Variants in MTCH2 observed in about 807,000 individuals in gnomAD.
MTCH2 encodes mitochondrial carrier homolog 2.
In MTCH2, 25 loss-of-function variants were observed where a neutral mutation model predicts 50.6. The ratio of observed to expected loss-of-function variants is 0.49; its 90% CI spans 0.36 to 0.69. The LOEUF (loss-of-function observed/expected upper bound fraction) is 0.69. Among genes scored for constraint, MTCH2 ranks in the 30% least tolerant of loss-of-function variants. The probability of loss-of-function intolerance (pLI) is 0.00; values close to 1 mark genes in which losing one functional copy is unlikely to be tolerated. For missense variants in MTCH2, 273 were observed against 384.4 expected (o/e 0.71, Z 2.42); for synonymous variants, 106 against 132.0 (o/e 0.80, Z 1.35).
rs181699555 is a variant in MTCH2 at position 47,637,281 on chromosome 11, C to T, written c.279+1418G>A. 7.1e-4 allele frequency among the ~76,000 whole-genome samples: 108 copies of T among 152,252 alleles called. 1 individual carries two copies. The highest frequency in any genetic ancestry group is 4.5e-3 in the Admixed American group (68 of 15,270). On this transcript the variant is annotated intron_variant, in intron 3 of 12. Transcript: ENST00000302503. ...CTGGGATTACAGGCATGAGCCACTGCGCCTGGCCAAGAACTTTCAGTTTTA... is the reference window on the plus strand; with the variant it reads ...CTGGGATTACAGGCATGAGCCACTGTGCCTGGCCAAGAACTTTCAGTTTTA...
rs187899372 is a variant in MTCH2 at position 47,617,533 on chromosome 11, G to A, written c.*1300C>T. On this transcript the variant is annotated 3_prime_UTR_variant, in exon 13 of 13. Transcript: ENST00000302503. ...GGAGGGAAGAGACCCCTGCATTCTC[G>A]TTCTGTCTAATATTATCAGTGGGGC... The A allele has an allele frequency of 1.3e-3, 198 of 152,662 alleles. 1 individual carries two copies. The highest frequency in any genetic ancestry group is 1.5e-3 in the Non-Finnish European group (103 of 68,018). The allele number at this position is 152,662 out of a possible 1,614,324, so 9.5% of individuals were successfully genotyped here. A position where few individuals can be genotyped will look rare whatever the true frequency, so the allele number is the denominator to read the frequency against.
rs996093895 is a variant in MTCH2 at position 47,617,396 on chromosome 11, G to A, written c.*1437C>T. ...CAAACATTTTTATATTAAAACAAAT[G>A]CAGATAGTAATATTGAAATAGTATA... is the stretch of plus-strand genomic sequence containing the variant. On this transcript the variant is annotated 3_prime_UTR_variant, in exon 13 of 13. Coordinates refer to ENST00000302503, the MANE Select transcript of MTCH2 (RefSeq NM_014342.4). The A allele has an allele frequency of 8.5e-5, 13 of 152,286 alleles. No individual in the cohort carries two copies. Among genetic ancestry groups the A allele is most frequent in the African/African-American group, 3.1e-4 (13 of 41,560 alleles). 9.4% of individuals were successfully genotyped at this position (152,286 alleles called of 1,614,324 possible).
rs1263062645 is a variant in MTCH2 at position 47,638,704 on chromosome 11, A to T, written c.274T>A (p.Leu92Ile). The T allele has an allele frequency of 6.2e-7, 1 of 1,613,500 alleles. No homozygotes were observed. The highest frequency in any genetic ancestry group is 1.1e-5 in the South Asian group (1 of 91,050). Residue 92 changes from leucine to isoleucine, a missense_variant, in exon 3 of 13, where the codon TTA becomes ATA. By Grantham distance (5) the Leu-to-Ile change is conservative. Coordinates refer to ENST00000302503, the MANE Select transcript of MTCH2 (RefSeq NM_014342.4). ...VLGTVVHGKVLQHYQESDKGE... is the reference protein window; with the variant it reads ...VLGTVVHGKVIQHYQESDKGE... ...TGATTTAATTTTCCTCTTACCTGTA[A>T]AACTTTACCATGGACCACAGTTCCA...
At chr11:47,627,360 T>TCCA (rs2097299139) in intron 9 of MTCH2, among the ~76,000 whole-genome samples, 2 of 152,022 alleles carry the variant, frequency 1.3e-5, no homozygotes, top group Non-Finnish European at 2.9e-5. Flanking sequence ...TCCCTATGTT[T>TCCA]GCCCAGGCTG....
intron 12 of MTCH2, among the ~76,000 whole-genome samples, chr11:47,619,804 T>C (rs1397211185): frequency 6.6e-6 from 1 of 151,968 alleles, no homozygotes; most frequent in Non-Finnish European, 1.5e-5. Context: ...TGGGCAGACA[T>C]GGTGGCTCAC....
intron 10 of MTCH2, among the ~76,000 whole-genome samples, chr11:47,626,386 C>T (rs2097298205): frequency 6.7e-6 from 1 of 149,160 alleles, no homozygotes; most frequent in African/African-American, 2.5e-5. Context: ...GTTGCCCAGG[C>T]TGGTCTTGAA....
At chr11:47,641,782 T>A (rs1215651847) in intron 1 of MTCH2, among the ~76,000 whole-genome samples, 1 of 152,194 alleles carries the variant, frequency 6.6e-6, no homozygotes, top group East Asian at 1.9e-4. Flanking sequence ...GCTCAATGCA[T>A]CCTTCCGAAA....
At position 47,631,583 on chromosome 11, in the gene MTCH2, C is replaced by T. The variant is rs950288891; in HGVS notation, c.427+71G>A. 2.8e-5 allele frequency: 42 copies of T among 1,499,902 alleles called. No individual in the cohort carries two copies. The East Asian group carries it at 5.7e-4, about 20-fold the overall frequency. The allele number at this position is 1,499,902 out of a possible 1,614,324, so 92.9% of individuals were successfully genotyped here. ...GGCAAGGCATTTTAGTCAACTCCCACGTCAACCTATCTAAGTGGTCAGGAG... is the reference window on the plus strand; with the variant it reads ...GGCAAGGCATTTTAGTCAACTCCCATGTCAACCTATCTAAGTGGTCAGGAG... On this transcript the variant is annotated intron_variant, in intron 6 of 12. Coordinates refer to ENST00000302503, the MANE Select transcript of MTCH2 (RefSeq NM_014342.4).
At chr11:47,623,718 A>G (rs905270171) in intron 11 of MTCH2, among the ~76,000 whole-genome samples, 9 of 152,176 alleles carry the variant, frequency 5.9e-5, no homozygotes, top group African/African-American at 2.2e-4. Context: ...ATGTTTAATG[A>G]TATGTCAGGT....
At chr11:47,620,022 A>T (rs1441643597) in intron 12 of MTCH2, among the ~76,000 whole-genome samples, 1 of 152,210 alleles carries the variant, frequency 6.6e-6, no homozygotes, top group Non-Finnish European at 1.5e-5. Flanking sequence ...GGTTGCAGTG[A>T]GCCAAGATCG....
rs1009823976 is a variant in MTCH2 at position 47,639,061 on chromosome 11, C to CA, written c.88-11dup. ...GAGGCTCATATCCCACCTTTAAAAA[C>CA]AATGGAATATATCAATATTAAAGCA... On this transcript the variant is annotated splice_polypyrimidine_tract_variant and intron_variant, in intron 1 of 12. Coordinates refer to ENST00000302503, the MANE Select transcript of MTCH2 (RefSeq NM_014342.4). 8 of 1,592,938 alleles carry CA rather than the reference C, an allele frequency of 5.0e-6. No individual in the cohort carries two copies. The highest frequency in any genetic ancestry group is 6.9e-6 in the Non-Finnish European group (8 of 1,165,426).
chr11:47,629,664 C>CT (rs921918268), intron 8 of MTCH2, among the ~76,000 whole-genome samples: 2 of 151,584 alleles, frequency 1.3e-5, no homozygotes, highest in Non-Finnish European at 2.9e-5. Flanking sequence ...TTTTTAATCT[C>CT]TAAAGTGATA....
rs1228044804 is a variant in MTCH2, at chr11:47,617,665, A to T, written c.*1168T>A. The T allele has an allele frequency of 6.6e-6, 1 of 152,606 alleles. No individual in the cohort carries two copies. The highest frequency in any genetic ancestry group is 1.5e-5 in the Non-Finnish European group (1 of 68,034). 9.5% of individuals were successfully genotyped at this position (152,606 alleles called of 1,614,324 possible). ...GAAACCACAGGCTTTCTCATTTTAG[A>T]GCATTTTAACCTGCTTTTTAGAAGG... On this transcript the variant is annotated 3_prime_UTR_variant, in exon 13 of 13. Coordinates refer to ENST00000302503, the MANE Select transcript of MTCH2 (RefSeq NM_014342.4).
chr11:47,618,920 C>T lies in MTCH2; in HGVS notation c.826-1G>A. 7.1e-7 allele frequency: 1 copy of T among 1,412,564 alleles called. No individual in the cohort carries two copies. Among genetic ancestry groups the T allele is most frequent in the Non-Finnish European group, 9.3e-7 (1 of 1,077,334 alleles). 87.5% of individuals were successfully genotyped at this position (1,412,564 alleles called of 1,614,324 possible). On this transcript the variant is annotated splice_acceptor_variant, in intron 12 of 12. Coordinates refer to ENST00000302503, the MANE Select transcript of MTCH2 (RefSeq NM_014342.4). LOFTEE classifies it high-confidence loss of function. The stretch of plus-strand genomic sequence containing the variant: ...AGCTATTTCCTCGGCTCATATTCCC[C>T]TGGAAAACAAAACAAAACAAAACAC...
At chr11:47,613,734 G>GA (rs2097286815), downstream of MTCH2, among the ~76,000 whole-genome samples, 1 of 234 alleles carries the variant, frequency 4.3e-3, no homozygotes, top group Non-Finnish European at 9.3e-3. Context: ...TCTGTTGGGA[G>GA]CTTGTTCACT....
intron 12 of MTCH2, among the ~76,000 whole-genome samples, chr11:47,621,783 C>T (rs962414340): frequency 6.6e-6 from 1 of 151,820 alleles, no homozygotes; most frequent in African/African-American, 2.4e-5. Flanking sequence ...CCAGGCTGGC[C>T]TCAAACTCCT....
chr11:47,611,403 G>A, the MTCH2 span, among the ~76,000 whole-genome samples: 4 of 152,332 alleles, frequency 2.6e-5, no homozygotes, highest in South Asian at 2.1e-4. Context: ...GCAGGGCCCC[G>A]GCTAGATGGC....
intron 1 of MTCH2, among the ~76,000 whole-genome samples, chr11:47,641,195 G>A (rs1216346599): frequency 6.6e-6 from 1 of 152,112 alleles, no homozygotes; most frequent in Admixed American, 6.6e-5. Flanking sequence ...CGGCCCCAAG[G>A]GTTCTTACTA....
intron 5 of MTCH2, 48 bp downstream of exon 5, chr11:47,634,624 C>T (rs1242222933): frequency 7.0e-7 from 1 of 1,428,692 alleles, no homozygotes; most frequent in Non-Finnish European, 9.8e-7. Flanking sequence ...AGTTGCAACA[C>T]CACAGTTTGA....
Sources: allele counts gnomAD v4.1 joint callset (sites outside exome capture counted in the v4.1 genomes callset), GRCh38; gene constraint gnomAD v4.1.1; transcripts MANE v1.5; gene names NCBI Gene and HGNC (gene_info 2026-07-23, HGNC 2026-07-21).